Variants in NHLRC2 observed in about 807,000 individuals in gnomAD.
The protein encoded by NHLRC2 is NHL repeat-containing protein 2.
A neutral mutation model predicts 68.1 loss-of-function variants in NHLRC2; 33 were observed. The ratio of observed to expected loss-of-function variants is 0.48; its 90% CI spans 0.37 to 0.65. The LOEUF (loss-of-function observed/expected upper bound fraction) is 0.65, where lower values mean the gene tolerates loss of function less well. Ranked by LOEUF, NHLRC2 falls within the 30% of genes least tolerant of loss-of-function variation. The probability of loss-of-function intolerance (pLI) is 0.00; values close to 1 mark genes in which losing one functional copy is unlikely to be tolerated. For missense variants in NHLRC2, 761 were observed against 853.8 expected (o/e 0.89, Z 1.35); for synonymous variants, 311 against 309.6 (o/e 1.00, Z -0.05).
intron 3 of NHLRC2, among the ~76,000 whole-genome samples, chr10:113,878,837 G>T (rs1199066823): frequency 1.3e-5 from 2 of 152,038 alleles, no homozygotes; most frequent in Admixed American, 1.3e-4. Context: ...CCTTGGGTTT[G>T]TTTTCTAGCC....
chr10:113,893,718 C>T (rs1846152687), intron 5 of NHLRC2, among the ~76,000 whole-genome samples: 1 of 152,056 alleles, frequency 6.6e-6, no homozygotes, highest in Non-Finnish European at 1.5e-5. Context: ...GAAGCTTTTG[C>T]CTTATTATAG....
chr10:113,916,146 A>T lies in NHLRC2; in HGVS notation c.*7610A>T, dbSNP rs1846383299. 6.6e-6 allele frequency: 1 copy of T among 152,190 alleles called. No homozygotes were observed. Among genetic ancestry groups the T allele is most frequent in the African/African-American group, 2.4e-5 (1 of 41,454 alleles). The allele number at this position is 152,190 out of a possible 1,614,324, so 9.4% of individuals were successfully genotyped here. A position where few individuals can be genotyped will look rare whatever the true frequency, so the allele number is the denominator to read the frequency against. ...CCACTGGAAATATATTCATTCTTTG[A>T]GCATGTACAGGGTGGGCTCCCTGTT... On this transcript the variant is annotated 3_prime_UTR_variant, in exon 11 of 11. Coordinates refer to ENST00000369301, the MANE Select transcript of NHLRC2 (RefSeq NM_198514.4).
In NHLRC2 at chr10:113,871,015, CTTTTTTTTTTT is replaced by C. The variant is rs1169108158; in HGVS notation, c.332-5490_332-5480del. Among the ~76,000 whole-genome samples, 25 of 65,724 alleles carry C rather than the reference CTTTTTTTTTTT, an allele frequency of 3.8e-4. 1 individual carries two copies. Among genetic ancestry groups the C allele is most frequent in the African/African-American group, 1.5e-3 (22 of 14,962 alleles). 43.1% of individuals were successfully genotyped at this position (65,724 alleles called of 152,430 possible). On this transcript the variant is annotated intron_variant, in intron 2 of 10. Transcript: ENST00000369301. ...TGTTAATTATTCTTGCTTCCTGCATCTTTTTTTTTTTTTTTTTTTTTTTTTTGAGACGGAGT... is the reference window on the plus strand; with the variant it reads ...TGTTAATTATTCTTGCTTCCTGCATCTTTTTTTTTTTTTTTGAGACGGAGT...
At position 113,915,710 on chromosome 10, in the gene NHLRC2, C is replaced by T. The variant is rs1162473958; in HGVS notation, c.*7174C>T. 1 of 167,394 alleles carries T rather than the reference C, an allele frequency of 6.0e-6. No individual in the cohort carries two copies. The highest frequency in any genetic ancestry group is 1.3e-5 in the Non-Finnish European group (1 of 78,346). 10.4% of individuals were successfully genotyped at this position (167,394 alleles called of 1,614,324 possible). ...GAGTGCAGCAGTGACATGATCATAG[C>T]TCACTGCAGCCTGGAACTCCTGGGC... On this transcript the variant is annotated 3_prime_UTR_variant, in exon 11 of 11. Coordinates refer to ENST00000369301, the MANE Select transcript of NHLRC2 (RefSeq NM_198514.4).
chr10:113,859,397 TA>T (rs1193169251), intron 2 of NHLRC2, among the ~76,000 whole-genome samples: 1 of 151,636 alleles, frequency 6.6e-6, no homozygotes, highest in Non-Finnish European at 1.5e-5. Context: ...TTGGAGTGGA[TA>T]AAAAAAAGAG....
chr10:113,860,763 A>T (rs2134687724), intron 2 of NHLRC2, among the ~76,000 whole-genome samples: 1 of 152,346 alleles, frequency 6.6e-6, no homozygotes, highest in South Asian at 2.1e-4. Flanking sequence ...GGAACTGAAA[A>T]GTGGACTAAC....
rs1198850290 is a variant in NHLRC2 at position 113,916,823 on chromosome 10, T to G, written c.*8287T>G. 1.3e-5 allele frequency: 2 copies of G among 152,200 alleles called. No individual in the cohort carries two copies. Among genetic ancestry groups the G allele is most frequent in the Non-Finnish European group, 2.9e-5 (2 of 68,022 alleles). 9.4% of individuals were successfully genotyped at this position (152,200 alleles called of 1,614,324 possible). On this transcript the variant is annotated 3_prime_UTR_variant, in exon 11 of 11. Coordinates refer to ENST00000369301, the MANE Select transcript of NHLRC2 (RefSeq NM_198514.4). ...TGATTATATTTTTTTCTCCAGTGAT[T>G]AAAAATGCAGCGAAAATCCAATCTA...
intron 1 of NHLRC2, 49 bp downstream of exon 1, chr10:113,855,099 C>G: frequency 1.4e-6 from 2 of 1,475,594 alleles, no homozygotes; most frequent in Non-Finnish European, 1.9e-6. Flanking sequence ...CCTCCCCTTC[C>G]TCGGGGACGG....
intron 2 of NHLRC2, among the ~76,000 whole-genome samples, chr10:113,875,595 T>G (rs533429890): frequency 4.6e-5 from 7 of 152,222 alleles, no homozygotes; most frequent in Non-Finnish European, 8.8e-5. Context: ...TTCTGTCATT[T>G]GATCTTCTGT....
chr10:113,893,468 G>A (rs1379931968), intron 5 of NHLRC2, among the ~76,000 whole-genome samples: 3 of 152,100 alleles, frequency 2.0e-5, no homozygotes, highest in Non-Finnish European at 4.4e-5. Context: ...ACTTGTTAAG[G>A]TTGTTAAATT....
intron 2 of NHLRC2, among the ~76,000 whole-genome samples, chr10:113,866,755 C>T (rs967813411): frequency 6.6e-6 from 1 of 151,806 alleles, no homozygotes; most frequent in East Asian, 1.9e-4. Flanking sequence ...CCTCCACCCC[C>T]GGCTCCTTCA....
rs1846311892 is a variant in NHLRC2 at position 113,910,032 on chromosome 10, T to C, written c.*1496T>C. 1 of 152,228 alleles carries C rather than the reference T, an allele frequency of 6.6e-6. No homozygotes were observed. Among genetic ancestry groups the C allele is most frequent in the Non-Finnish European group, 1.5e-5 (1 of 68,040 alleles). 9.4% of individuals were successfully genotyped at this position (152,228 alleles called of 1,614,324 possible). On this transcript the variant is annotated 3_prime_UTR_variant, in exon 11 of 11. Coordinates refer to ENST00000369301, the MANE Select transcript of NHLRC2 (RefSeq NM_198514.4). ...GACATTGATTTAATTAGTCATCTAC[T>C]GAAGCTACTTTTAAAGAGAAATATA...
chr10:113,888,376 T>A (rs2134721204), intron 5 of NHLRC2, among the ~76,000 whole-genome samples: 1 of 152,328 alleles, frequency 6.6e-6, no homozygotes, highest in African/African-American at 2.4e-5. Context: ...TGATTGAATC[T>A]TTCTACAGTA....
intron 2 of NHLRC2, among the ~76,000 whole-genome samples, chr10:113,861,263 A>G (rs751230528): frequency 2.6e-5 from 4 of 152,210 alleles, no homozygotes; most frequent in Non-Finnish European, 5.9e-5. Context: ...TGAAGAAATA[A>G]TGGTTGAAAA....
At position 113,866,604 on chromosome 10, in the gene NHLRC2, A is replaced by G. The variant is rs138933006; in HGVS notation, c.331+7924A>G. Among the ~76,000 whole-genome samples, 175 of 152,202 alleles carry G rather than the reference A, an allele frequency of 1.1e-3. 1 individual carries two copies. Among genetic ancestry groups the G allele is most frequent in the African/African-American group, 4.0e-3 (166 of 41,552 alleles). ...GTAAATGCTAGTATTATCATATAGT[A>G]TATGCTTTTTTCTGTTTTATACTTT... On this transcript the variant is annotated intron_variant, in intron 2 of 10. Transcript: ENST00000369301.
intron 5 of NHLRC2, among the ~76,000 whole-genome samples, chr10:113,884,864 T>C (rs1218629145): frequency 2.0e-5 from 3 of 151,780 alleles, no homozygotes; most frequent in Non-Finnish European, 4.4e-5. Flanking sequence ...TATGATAACT[T>C]CTTTAAACTT....
chr10:113,881,082 A>T (rs1046653208), intron 4 of NHLRC2, among the ~76,000 whole-genome samples: 4 of 151,820 alleles, frequency 2.6e-5, no homozygotes, highest in Admixed American at 2.6e-4. Flanking sequence ...TTTTTAAATT[A>T]CTAAATTCTT....
Position 113,909,119 on chromosome 10 carries a change from TTTTA to T in NHLRC2, c.*584_*587del, listed in dbSNP as rs1158017568. ...TCTGTGGTTTTCTCAGTTGAGATAT[TTTTA>T]AAAGAGAGTTTTGATCTATTTTTAT... On this transcript the variant is annotated 3_prime_UTR_variant, in exon 11 of 11. Transcript: ENST00000369301. 4 of 152,350 alleles carry T rather than the reference TTTTA, an allele frequency of 2.6e-5. No individual in the cohort carries two copies. Among genetic ancestry groups the T allele is most frequent in the African/African-American group, 9.6e-5 (4 of 41,578 alleles). 9.4% of individuals were successfully genotyped at this position (152,350 alleles called of 1,614,324 possible).
chr10:113,865,040 C>A (rs1481381868), intron 2 of NHLRC2, among the ~76,000 whole-genome samples: 1 of 151,656 alleles, frequency 6.6e-6, no homozygotes, highest in South Asian at 2.1e-4. Context: ...AGCTCCGCCT[C>A]CCGGGTTCAA....
Sources: gnomAD v4.1 joint callset for allele counts (sites outside exome capture counted in the v4.1 genomes callset) on GRCh38, gnomAD v4.1.1 for gene constraint, MANE v1.5 for transcripts, NCBI Gene and HGNC (gene_info 2026-07-23, HGNC 2026-07-21) for gene names.